The following DGLUCY variants were observed in gnomAD, a reference collection of about 807,000 sequenced individuals.
The protein encoded by DGLUCY is D-glutamate cyclase, mitochondrial.
Under a neutral mutation model 58.5 loss-of-function variants are expected in DGLUCY, and 58 were observed. The ratio of observed to expected loss-of-function variants is 0.99; its 90% CI spans 0.80 to 1.23. The LOEUF is 1.23. Ranked by LOEUF, DGLUCY falls within the 50% of genes most tolerant of loss-of-function variation. The pLI is 0.00. For synonymous variants in DGLUCY, 325 were observed against 314.1 expected (o/e 1.03, Z -0.37); for missense variants, 779 against 784.7 (o/e 0.99, Z 0.09).
Position 91,173,304 on chromosome 14 carries a change from G to A in DGLUCY, c.472G>A (p.Val158Ile), listed in dbSNP as rs2048676227. ...TTTTGGTCAGACAACAGTGCCTTGT[G>A]TTACCCATGCTGGCTTCTGCTGCCC... ...AGAYKTTVPC[V>I]THAGFCCPLV... Residue 158 changes from valine (V) to isoleucine (I), a missense_variant, in exon 6 of 14, where the codon GTT becomes ATT. Physicochemically the swap from Val to Ile is conservative, Grantham distance 29. Coordinates refer to ENST00000256324, the MANE Select transcript of DGLUCY (RefSeq NM_001102368.3). 6.2e-7 allele frequency: 1 copy of A among 1,603,798 alleles called. No individual in the cohort carries two copies. Among genetic ancestry groups the A allele is most frequent in the African/African-American group, 1.4e-5 (1 of 72,310 alleles).
intron 8 of DGLUCY, among the ~76,000 whole-genome samples, chr14:91,186,061 G>A (rs1344246739): frequency 6.6e-6 from 1 of 152,072 alleles, no homozygotes; most frequent in Non-Finnish European, 1.5e-5. Flanking sequence ...AGGTGCCTGG[G>A]GAATATGAAG....
At chr14:91,188,889 A>C in intron 8 of DGLUCY, 21 bp from the exon 9 acceptor site, 1 of 1,600,766 alleles carries the variant, frequency 6.2e-7, no homozygotes, top group Non-Finnish European at 8.5e-7. Flanking sequence ...TTACTTTTAC[A>C]TTCTATTTTT....
At chr14:91,201,942 C>T (rs1482908832) in intron 11 of DGLUCY, among the ~76,000 whole-genome samples, 1 of 151,872 alleles carries the variant, frequency 6.6e-6, no homozygotes, top group Non-Finnish European at 1.5e-5. Context: ...GTGATTCCAG[C>T]TCCTCAGGAG....
chr14:91,208,519 C>T (rs1156509513), intron 12 of DGLUCY, among the ~76,000 whole-genome samples: 5 of 151,746 alleles, frequency 3.3e-5, no homozygotes, highest in Non-Finnish European at 7.4e-5. Context: ...GAGGCCGAGG[C>T]GGGCAGATCA....
At chr14:91,174,250 C>G (rs2048738005) in intron 6 of DGLUCY, among the ~76,000 whole-genome samples, 1 of 147,784 alleles carries the variant, frequency 6.8e-6, no homozygotes, top group African/African-American at 2.7e-5. Context: ...ACACCTTGCC[C>G]TGGGCATCTC....
chr14:91,087,466 A>G (rs192967962), intron 1 of DGLUCY, among the ~76,000 whole-genome samples: 1 of 152,360 alleles, frequency 6.6e-6, no homozygotes, highest in East Asian at 1.9e-4. Context: ...TAGCCGTAAT[A>G]AAGAAATCAA....
rs565683529 is a variant in DGLUCY, at chr14:91,119,395, C to A, written c.-82+5112C>A. Among the ~76,000 whole-genome samples, 5 of 152,306 alleles carry A rather than the reference C, an allele frequency of 3.3e-5. No homozygotes were observed. In the South Asian group the frequency reaches 8.3e-4, roughly 25 times the overall value. ...CACTCTGTTTCCCTGACCAAATTTC[C>A]CAGGCTTTTCTACCTTGATCTGACC... On this transcript the variant is annotated intron_variant, in intron 1 of 13. Coordinates refer to ENST00000256324, the MANE Select transcript of DGLUCY (RefSeq NM_001102368.3).
At position 91,220,778 on chromosome 14, in the gene DGLUCY, G is replaced by A. The variant is rs530081895; in HGVS notation, c.1717-3906G>A. 5.8e-4 allele frequency: 250 copies of A among 429,376 alleles called. 1 individual carries two copies. Among genetic ancestry groups the A allele is most frequent in the African/African-American group, 4.9e-3 (243 of 49,768 alleles). The allele number at this position is 429,376 out of a possible 1,614,324, so 26.6% of individuals were successfully genotyped here. A position where few individuals can be genotyped will look rare whatever the true frequency, so the allele number is the denominator to read the frequency against. On this transcript the variant is annotated intron_variant, in intron 13 of 13. Coordinates refer to ENST00000256324, the MANE Select transcript of DGLUCY (RefSeq NM_001102368.3). ...CCATGTTCCCGCCTGCCTCGTCATT[G>A]CCTGTGCCAGAGCCCAGGGCCAAGG...
At chr14:91,163,269 A>AAAAAAAAG (rs2048094780) in intron 3 of DGLUCY, among the ~76,000 whole-genome samples, 2 of 134,422 alleles carry the variant, frequency 1.5e-5, no homozygotes, top group African/African-American at 6.9e-5. Context: ...CAAAAAAAAG[A>AAAAAAAAG]AAAAAAAAAA....
intron 11 of DGLUCY, among the ~76,000 whole-genome samples, chr14:91,201,959 G>A (rs1237116679): frequency 6.6e-6 from 1 of 151,676 alleles, no homozygotes; most frequent in Non-Finnish European, 1.5e-5. Flanking sequence ...GGAGGCTGAG[G>A]CAGGAGAATT....
At chr14:91,196,920 G>GTACA (rs2050254843) in intron 10 of DGLUCY, among the ~76,000 whole-genome samples, 2 of 152,118 alleles carry the variant, frequency 1.3e-5, no homozygotes, top group Admixed American at 6.6e-5. Flanking sequence ...ATAAGACTGT[G>GTACA]TACATGCAAG....
At chr14:91,096,724 G>T (rs2044401588) in intron 1 of DGLUCY, among the ~76,000 whole-genome samples, 1 of 152,034 alleles carries the variant, frequency 6.6e-6, no homozygotes, top group Admixed American at 6.5e-5. Flanking sequence ...CACCTACCAA[G>T]GTTTCAGCGT....
chr14:91,156,540 GA>G (rs2047632087), intron 1 of DGLUCY, among the ~76,000 whole-genome samples: 1 of 152,200 alleles, frequency 6.6e-6, no homozygotes. Context: ...TCTAAAGGTG[GA>G]ATTTCAGAAA....
At position 91,081,962 on chromosome 14, in the gene DGLUCY, G is replaced by A. The variant is rs76204722; in HGVS notation, c.-82+21258G>A. Among the ~76,000 whole-genome samples, 344 of 151,962 alleles carry A rather than the reference G, an allele frequency of 2.3e-3. 2 individuals carry two copies. Among genetic ancestry groups the A allele is most frequent in the South Asian group, 0.012 (58 of 4,806 alleles). On this transcript the variant is annotated intron_variant, in intron 1 of 4. Coordinates refer to the DGLUCY transcript ENST00000521334. ...CTCTCTCCTCTTTGACCCTCCTGTCGTCCCACTCATAAGGACCTTCATGAT... is the reference window on the plus strand; with the variant it reads ...CTCTCTCCTCTTTGACCCTCCTGTCATCCCACTCATAAGGACCTTCATGAT...
chr14:91,143,392 G>C (rs1407202462), intron 1 of DGLUCY, among the ~76,000 whole-genome samples: 2 of 152,146 alleles, frequency 1.3e-5, no homozygotes, highest in East Asian at 1.9e-4. Context: ...ACCGCGCCTG[G>C]CAGCAGTTCT....
At chr14:91,138,445 T>TGC (rs1452667424) in intron 1 of DGLUCY, among the ~76,000 whole-genome samples, 3 of 151,966 alleles carry the variant, frequency 2.0e-5, no homozygotes, top group Non-Finnish European at 4.4e-5. Flanking sequence ...GGGCCAAGAT[T>TGC]GCGCCATTGC....
intron 1 of DGLUCY, among the ~76,000 whole-genome samples, chr14:91,131,998 C>T (rs922880634): frequency 2.0e-5 from 3 of 152,090 alleles, no homozygotes; most frequent in Admixed American, 6.6e-5. Context: ...TCTCCATGTT[C>T]GTCAGGCTGA....
At position 91,224,918 on chromosome 14, in the gene DGLUCY, T is replaced by A; in HGVS notation, c.*85T>A. 1 of 1,413,598 alleles carries A rather than the reference T, an allele frequency of 7.1e-7. No individual in the cohort carries two copies. The highest frequency in any genetic ancestry group is 9.4e-7 in the Non-Finnish European group (1 of 1,059,706). The allele number at this position is 1,413,598 out of a possible 1,614,324, so 87.6% of individuals were successfully genotyped here. On this transcript the variant is annotated 3_prime_UTR_variant, in exon 14 of 14. Coordinates refer to ENST00000256324, the MANE Select transcript of DGLUCY (RefSeq NM_001102368.3). ...ATGCAGCTGCTTCTGGCGACAATCC[T>A]GCTAGTAAACACTGGTCTTCGGTGA...
intron 5 of DGLUCY, among the ~76,000 whole-genome samples, chr14:91,171,827 G>A (rs1030104335): frequency 2.0e-5 from 3 of 152,190 alleles, no homozygotes; most frequent in East Asian, 3.9e-4. Flanking sequence ...GCACCAGGCC[G>A]TGCTCCATGG....
Sources: allele counts gnomAD v4.1 joint callset (sites outside exome capture counted in the v4.1 genomes callset), GRCh38; gene constraint gnomAD v4.1.1; transcripts MANE v1.5; gene names NCBI Gene and HGNC (gene_info 2026-07-23, HGNC 2026-07-21).